TUBGCP3: variants seen among roughly 807,000 people sequenced by gnomAD.
The protein encoded by TUBGCP3 is tubulin gamma complex component 3, also known as gamma-tubulin complex component 3.
Under a neutral mutation model 123.1 loss-of-function variants are expected in TUBGCP3, and 50 were observed. The observed-to-expected ratio is 0.41, with a 90% CI of 0.32 to 0.51. TUBGCP3 has a LOEUF of 0.51. Ranked by LOEUF, TUBGCP3 falls within the 20% of genes least tolerant of loss-of-function variation. TUBGCP3 has a pLI of 0.36. For missense variants in TUBGCP3, 882 were observed against 1,127.0 expected (o/e 0.78, Z 3.11); for synonymous variants, 405 against 413.9 (o/e 0.98, Z 0.26).
rs372237623 is a variant in TUBGCP3 at position 112,558,179 on chromosome 13, C to T, written c.548+17G>A. On this transcript the variant is annotated intron_variant, in intron 5 of 21. Coordinates refer to ENST00000261965, the MANE Select transcript of TUBGCP3 (RefSeq NM_006322.6). ...TTCTAACACATAGAGAATCTATACA[C>T]GTCAGTGTGGCCTTACCCTGGGAGG... 1.1e-4 allele frequency: 170 copies of T among 1,603,402 alleles called. No homozygotes were observed. Among genetic ancestry groups the T allele is most frequent in the Non-Finnish European group, 1.3e-4 (152 of 1,174,412 alleles).
chr13:112,573,518 G>A (rs945411458), intron 1 of TUBGCP3, among the ~76,000 whole-genome samples: 7 of 152,086 alleles, frequency 4.6e-5, no homozygotes, highest in African/African-American at 1.4e-4. Flanking sequence ...AACTGCCTTA[G>A]CCCCAGGAAA....
chr13:112,516,641 A>C (rs1205317599), intron 16 of TUBGCP3, 66 bp from the exon 17 acceptor site: 16 of 1,475,926 alleles, frequency 1.1e-5, no homozygotes, highest in African/African-American at 4.3e-5. Flanking sequence ...TACAGGTCTC[A>C]ATCTTTTTTT....
intron 8 of TUBGCP3, among the ~76,000 whole-genome samples, chr13:112,551,096 C>T (rs939000437): frequency 2.7e-5 from 4 of 150,898 alleles, no homozygotes; most frequent in Non-Finnish European, 4.4e-5. Flanking sequence ...GAGACGACTC[C>T]GTCTCAAAAA....
rs555519596 is a variant in TUBGCP3, at chr13:112,509,214, C to A, written c.2087-4500G>T. ...AATCACCCACGTCTGTCAGATGCCT[C>A]ATTTAAACATTCCCATGCCACTTGG... On this transcript the variant is annotated intron_variant, in intron 17 of 21. Coordinates refer to ENST00000261965, the MANE Select transcript of TUBGCP3 (RefSeq NM_006322.6). Among the ~76,000 whole-genome samples, 10 of 152,332 alleles carry A rather than the reference C, an allele frequency of 6.6e-5. No individual in the cohort carries two copies. The East Asian group carries it at 1.9e-3, about 29-fold the overall frequency.
At chr13:112,585,817 C>G (rs9604366) in intron 1 of TUBGCP3, among the ~76,000 whole-genome samples, 2 of 151,924 alleles carry the variant, frequency 1.3e-5, no homozygotes, top group Non-Finnish European at 2.9e-5. Context: ...CTGTCAGGAT[C>G]TGAGAGCCCA....
chr13:112,496,418 G>A (rs951698224), intron 20 of TUBGCP3, among the ~76,000 whole-genome samples: 1 of 152,232 alleles, frequency 6.6e-6, no homozygotes, highest in African/African-American at 2.4e-5. Flanking sequence ...ATCTTTCCAG[G>A]AGGCGACTTG....
rs1030893983 is a variant in TUBGCP3 at position 112,562,763 on chromosome 13, T to C, written c.252+2348A>G. Among the ~76,000 whole-genome samples, 6 of 152,298 alleles carry C rather than the reference T, an allele frequency of 3.9e-5. No homozygotes were observed. In the East Asian group the frequency reaches 1.2e-3, roughly 29 times the overall value. On this transcript the variant is annotated intron_variant, in intron 3 of 21. Transcript: ENST00000261965. ...TGAACTACAGGACCGCAAGTTCAGA[T>C]ACAAAACTTTTAAAACTGTGCACAA...
chr13:112,547,632 C>T lies in TUBGCP3; in HGVS notation c.1156G>A (p.Asp386Asn). The change falls in exon 10 of 22, where the codon GAC becomes AAC. Residue 386 changes from aspartate to asparagine, a missense_variant. Physicochemically the swap from Asp to Asn is conservative, Grantham distance 23. Coordinates refer to ENST00000261965, the MANE Select transcript of TUBGCP3 (RefSeq NM_006322.6). ...IRLKTLAALVDHCQGRKGGEL... is the reference protein window; with the variant it reads ...IRLKTLAALVNHCQGRKGGEL... ...ACGCGCGTGGGACCTTGGCAGTGGT[C>T]CACTAGGGCCGCAAGGGTCTTCAGT... The T allele has an allele frequency of 6.5e-7, 1 of 1,547,346 alleles. No homozygotes were observed. Among genetic ancestry groups the T allele is most frequent in the Non-Finnish European group, 8.7e-7 (1 of 1,143,182 alleles).
chr13:112,542,407 A>G (rs938410893), intron 11 of TUBGCP3, among the ~76,000 whole-genome samples: 1 of 152,216 alleles, frequency 6.6e-6, no homozygotes, highest in African/African-American at 2.4e-5. Context: ...CACTCTATCA[A>G]AGGAAACGCC....
rs562198462 is a variant in TUBGCP3, at chr13:112,547,603, A to T, written c.1168+17T>A. 3.4e-6 allele frequency: 5 copies of T among 1,482,478 alleles called. No homozygotes were observed. In the South Asian group the frequency reaches 6.8e-5, roughly 20 times the overall value. 91.8% of individuals were successfully genotyped at this position (1,482,478 alleles called of 1,614,324 possible). ...CGCGCGTGGGAAAGACGTGCGTGGG[A>T]AAGACGCGCGTGGGACCTTGGCAGT... On this transcript the variant is annotated intron_variant, in intron 10 of 21. Transcript: ENST00000261965.
rs541181713 is a variant in TUBGCP3, at chr13:112,565,297, T to C, written c.185-119A>G. 3,000 of 834,856 alleles carry C rather than the reference T, an allele frequency of 3.6e-3. 8 individuals carry two copies. The highest frequency in any genetic ancestry group is 4.8e-3 in the Non-Finnish European group (2,528 of 526,674). The allele number at this position is 834,856 out of a possible 1,614,324, so 51.7% of individuals were successfully genotyped here. ...TGATGAATTCAGAGTCAAAAGTCAC[T>C]GTCAAATTAGATGATGAGCAACTTT... On this transcript the variant is annotated intron_variant, in intron 2 of 21. Coordinates refer to ENST00000261965, the MANE Select transcript of TUBGCP3 (RefSeq NM_006322.6).
Position 112,547,623 on chromosome 13 carries a change from G to C in TUBGCP3, c.1165C>G (p.Gln389Glu), listed in dbSNP as rs767451876. The change falls in exon 10 of 22, where the codon CAA (glutamine) becomes GAA (glutamate). Residue 389 changes from glutamine (Q) to glutamate (E), a missense_variant. This residue lies in a region of TUBGCP3 where 713 missense variants were observed against 874.0 expected (regional missense o/e 0.82). Coordinates refer to ENST00000261965, the MANE Select transcript of TUBGCP3 (RefSeq NM_006322.6). ...GTGGGAAAGACGCGCGTGGGACCTT[G>C]GCAGTGGTCCACTAGGGCCGCAAGG... is the stretch of plus-strand genomic sequence containing the variant. ...KTLAALVDHC[Q>E]GRKGGELASA... The C allele has an allele frequency of 5.2e-6, 8 of 1,532,320 alleles. No homozygotes were observed. In the South Asian group the frequency reaches 9.9e-5, roughly 19 times the overall value. The allele number at this position is 1,532,320 out of a possible 1,614,324, so 94.9% of individuals were successfully genotyped here.
chr13:112,582,344 T>C (rs957014397), intron 1 of TUBGCP3, among the ~76,000 whole-genome samples: 2 of 152,138 alleles, frequency 1.3e-5, no homozygotes, highest in African/African-American at 4.8e-5. Flanking sequence ...GAGACAGACG[T>C]AGAACATAAC....
upstream of TUBGCP3, among the ~76,000 whole-genome samples, chr13:112,592,690 G>A (rs9550161): frequency 0.15 from 22,985 of 152,238 alleles, 2,022 homozygotes; most frequent in East Asian, 0.21. This position sits in a 1 kb window ranked among gnomAD's most constrained non-coding sequence, Gnocchi z 4.1. Context: ...TTTGGCAGAG[G>A]TACCTAAGAC....
chr13:112,593,892 T>C, the TUBGCP3 span, among the ~76,000 whole-genome samples: 1 of 151,926 alleles, frequency 6.6e-6, no homozygotes, highest in Non-Finnish European at 1.5e-5. Context: ...ACTAAAAATA[T>C]CACAAAGAAA....
chr13:112,507,987 T>C (rs1881417295), intron 17 of TUBGCP3, among the ~76,000 whole-genome samples: 1 of 152,090 alleles, frequency 6.6e-6, no homozygotes. Context: ...AACAAACCCA[T>C]CTACCAAACA....
intron 8 of TUBGCP3, among the ~76,000 whole-genome samples, chr13:112,553,507 G>A (rs951625572): frequency 1.3e-5 from 2 of 152,228 alleles, no homozygotes; most frequent in African/African-American, 2.4e-5. Flanking sequence ...GCTGCCCCCT[G>A]TCAGGCTCCA....
chr13:112,550,506 A>C (rs1472129994), intron 8 of TUBGCP3, among the ~76,000 whole-genome samples: 4 of 152,198 alleles, frequency 2.6e-5, no homozygotes, highest in African/African-American at 4.8e-5. Flanking sequence ...GAGACAGACC[A>C]GGGGGTAAAA....
chr13:112,568,957 C>T (rs769675926), intron 2 of TUBGCP3, among the ~76,000 whole-genome samples, 195 bp downstream of exon 2: 1 of 152,178 alleles, frequency 6.6e-6, no homozygotes, highest in Non-Finnish European at 1.5e-5. Context: ...TATGCACCAT[C>T]CCAGAATTAA....
Sources: gnomAD v4.1 joint callset for allele counts (sites outside exome capture counted in the v4.1 genomes callset) on GRCh38, gnomAD v4.1.1 for gene constraint, gnomAD v4.1.1 regional missense constraint, Gnocchi (gnomAD v3.1) non-coding constraint, MANE v1.5 for transcripts, NCBI Gene and HGNC (gene_info 2026-07-23, HGNC 2026-07-21) for gene names.